KNDC1: variants seen among roughly 807,000 people sequenced by gnomAD.
KNDC1 encodes kinase non-catalytic C-lobe domain containing 1, also known as kinase non-catalytic C-lobe domain-containing protein 1.
Under a neutral mutation model 172.8 loss-of-function variants are expected in KNDC1, and 106 were observed. The ratio of observed to expected loss-of-function variants is 0.61; its 90% CI spans 0.52 to 0.72. The LOEUF (loss-of-function observed/expected upper bound fraction) is 0.72, where lower values mean the gene tolerates loss of function less well. Among genes scored for constraint, KNDC1 ranks in the 30% least tolerant of loss-of-function variants. The pLI is 0.00. For missense variants in KNDC1, 2,325 were observed against 2,394.5 expected (o/e 0.97, Z 0.61); for synonymous variants, 1,083 against 1,062.2 (o/e 1.02, Z -0.38).
At chr10:133,187,979 G>T (rs1448184957) in intron 6 of KNDC1, among the ~76,000 whole-genome samples, 1 of 150,408 alleles carries the variant, frequency 6.6e-6, no homozygotes, top group Non-Finnish European at 1.5e-5. Context: ...TCTGTCCAGG[G>T]GCCTCGTGGG....
intron 17 of KNDC1, among the ~76,000 whole-genome samples, chr10:133,204,371 G>A (rs1314974119): frequency 6.6e-6 from 1 of 152,256 alleles, no homozygotes; most frequent in Non-Finnish European, 1.5e-5. Context: ...CTGCACTTTA[G>A]GCAGCCACGG....
Position 133,186,519 on chromosome 10 carries a change from G to C in KNDC1, c.1171G>C (p.Gly391Arg), listed in dbSNP as rs200234621. 4 of 1,612,242 alleles carry C rather than the reference G, an allele frequency of 2.5e-6. No individual in the cohort carries two copies. The highest frequency in any genetic ancestry group is 1.7e-5 in the Admixed American group (1 of 59,998). ...CACGGACAGGGGCCCTGGGGTGCCC[G>C]GCAGTCCAGGACAGCCCGAGACTTC... Reference protein sequence around the residue: ...RSTDRGPGVPGSPGQPETSHP... With the variant: ...RSTDRGPGVPRSPGQPETSHP... Residue 391 changes from glycine (G) to arginine (R), a missense_variant, in exon 6 of 30, where the codon GGC becomes CGC. By Grantham distance (125) the Gly-to-Arg change is moderately radical. Coordinates refer to ENST00000304613, the MANE Select transcript of KNDC1 (RefSeq NM_152643.8).
intron 9 of KNDC1, among the ~76,000 whole-genome samples, chr10:133,190,871 G>T (rs761090216): frequency 6.6e-6 from 1 of 152,192 alleles, no homozygotes; most frequent in Non-Finnish European, 1.5e-5. Context: ...AACAAAAACC[G>T]CGTCCGTGAG....
chr10:133,168,297 C>T lies in KNDC1; in HGVS notation c.345C>T (p.Thr115=), dbSNP rs61750345. ...TCGTTCCCCCCGAGTTCGACGTGAC[C>T]GGGAACACCTTTGAGGTAAGTGCAG... is the stretch of plus-strand genomic sequence containing the variant. ...GAFVPPEFDV[T]GNTFEAHIYS... Residue 115 remains threonine, a synonymous_variant, in exon 3 of 30, where the codon ACC becomes ACT. Coordinates refer to ENST00000304613, the MANE Select transcript of KNDC1 (RefSeq NM_152643.8). 2,769 of 1,614,124 alleles carry T rather than the reference C, an allele frequency of 1.7e-3. 5 individuals carry two copies. Among genetic ancestry groups the T allele is most frequent in the South Asian group, 3.0e-3 (275 of 91,080 alleles).
chr10:133,204,084 C>T (rs73388569), intron 17 of KNDC1, among the ~76,000 whole-genome samples: 2,303 of 152,114 alleles, frequency 0.015, 61 homozygotes, highest in African/African-American at 0.053. Flanking sequence ...AGCCTGGCGC[C>T]GGTGACCTCC....
At position 133,219,970 on chromosome 10, in the gene KNDC1, G is replaced by A; in HGVS notation, c.4876G>A (p.Asp1626Asn). 1.9e-6 allele frequency: 3 copies of A among 1,551,834 alleles called. No homozygotes were observed. Among genetic ancestry groups the A allele is most frequent in the South Asian group, 1.2e-5 (1 of 84,154 alleles). ...LKAVEVFLKS[D>N]SLCLMEGRRF... Reference sequence around the variant, plus strand: ...GGACCACCAGGTCTTCCTGAAGAGCGACAGCCTGTGTCTGATGGAAGGGCG... The same window carrying A: ...GGACCACCAGGTCTTCCTGAAGAGCAACAGCCTGTGTCTGATGGAAGGGCG... Residue 1626 changes from aspartate (D) to asparagine (N), a missense_variant, in exon 29 of 30, where the codon GAC becomes AAC. Coordinates refer to ENST00000304613, the MANE Select transcript of KNDC1 (RefSeq NM_152643.8).
chr10:133,165,965 T>C (rs1321336811), intron 1 of KNDC1, among the ~76,000 whole-genome samples: 2 of 152,224 alleles, frequency 1.3e-5, no homozygotes, highest in Non-Finnish European at 2.9e-5. Flanking sequence ...GGACGGGATG[T>C]GCCAGGACCC....
At chr10:133,187,817 A>G (rs1464429833) in intron 6 of KNDC1, among the ~76,000 whole-genome samples, 1 of 152,158 alleles carries the variant, frequency 6.6e-6, no homozygotes, top group Non-Finnish European at 1.5e-5. Flanking sequence ...AGCACAGCTC[A>G]GCGGCATTGG....
intron 1 of KNDC1, among the ~76,000 whole-genome samples, chr10:133,164,449 G>T (rs1237631234): frequency 1.3e-5 from 2 of 152,222 alleles, no homozygotes; most frequent in African/African-American, 4.8e-5. Context: ...CTGCCGTGGG[G>T]CCCTCGTGGG....
intron 16 of KNDC1, among the ~76,000 whole-genome samples, chr10:133,200,773 G>T (rs1162954630): frequency 6.6e-6 from 1 of 152,204 alleles, no homozygotes; most frequent in African/African-American, 2.4e-5. Context: ...CCGGCCACTG[G>T]GACAGTGGGA....
rs1329557795 is a variant in KNDC1, at chr10:133,199,440, A to G, written c.2759-18A>G. 2 of 1,611,994 alleles carry G rather than the reference A, an allele frequency of 1.2e-6. No individual in the cohort carries two copies. The highest frequency in any genetic ancestry group is 2.2e-5 in the East Asian group (1 of 44,858). Reference sequence around the variant, plus strand: ...CCCTGCCACCATCTCACTTGTCTCCATCGTTTTGCAAAACCAGGGGAGTAC... The same window carrying G: ...CCCTGCCACCATCTCACTTGTCTCCGTCGTTTTGCAAAACCAGGGGAGTAC... On this transcript the variant is annotated intron_variant, in intron 14 of 29. Transcript: ENST00000304613.
rs1845691992 is a variant in KNDC1 at position 133,224,959 on chromosome 10, G to A, written c.*69G>A. ...GTGGGGGGCGGGCTGGGAGGTGGGA[G>A]CCGCGTCTCAGGCCCGGCCGTTATC... On this transcript the variant is annotated 3_prime_UTR_variant, in exon 30 of 30. Transcript: ENST00000304613. This position sits in a 1 kb window ranked among gnomAD's most constrained non-coding sequence, Gnocchi z 5.4. 7.7e-7 allele frequency: 1 copy of A among 1,304,384 alleles called. No homozygotes were observed. Among genetic ancestry groups the A allele is most frequent in the Non-Finnish European group, 1.1e-6 (1 of 917,960 alleles). The allele number at this position is 1,304,384 out of a possible 1,614,324, so 80.8% of individuals were successfully genotyped here.
rs1229028134 is a variant in KNDC1 at position 133,219,996 on chromosome 10, G to C, written c.4902G>C (p.Arg1634=). Residue 1634 remains arginine, a synonymous_variant, in exon 29 of 30, where the codon CGG becomes CGC. Coordinates refer to ENST00000304613, the MANE Select transcript of KNDC1 (RefSeq NM_152643.8). ...KSDSLCLMEG[R]RFRAQPTLPS... is the part of the protein sequence containing the mutation. ...ACAGCCTGTGTCTGATGGAAGGGCG[G>C]CGCTTCCGGGCGCAGCCCACCCTGC... The C allele has an allele frequency of 6.4e-7, 1 of 1,553,214 alleles. No individual in the cohort carries two copies. The highest frequency in any genetic ancestry group is 8.7e-7 in the Non-Finnish European group (1 of 1,148,150).
At chr10:133,211,399 C>G (rs1845359820) in intron 21 of KNDC1, 23 bp from the exon 22 acceptor site, 1 of 1,606,304 alleles carries the variant, frequency 6.2e-7, no homozygotes, top group East Asian at 2.2e-5. Context: ...CCTGGCAGCT[C>G]AGCAGCTCCC....
At chr10:133,164,982 C>T (rs1478211398) in intron 1 of KNDC1, among the ~76,000 whole-genome samples, 1 of 152,298 alleles carries the variant, frequency 6.6e-6, no homozygotes, top group East Asian at 1.9e-4. Flanking sequence ...TCACCTGTGC[C>T]AGAGCAGGGT....
intron 3 of KNDC1, among the ~76,000 whole-genome samples, chr10:133,176,545 G>A (rs1050980469): frequency 1.3e-5 from 2 of 152,130 alleles, no homozygotes; most frequent in Admixed American, 6.5e-5. Context: ...ATGCTCGGCC[G>A]GGTTTTCAAA....
intron 9 of KNDC1, among the ~76,000 whole-genome samples, chr10:133,190,236 G>C (rs1438521572): frequency 6.6e-6 from 1 of 152,004 alleles, no homozygotes; most frequent in Non-Finnish European, 1.5e-5. Context: ...AGAGCACTAA[G>C]TACCCTACAC....
chr10:133,207,736 C>T (rs1285873476), intron 20 of KNDC1, among the ~76,000 whole-genome samples: 2 of 152,248 alleles, frequency 1.3e-5, no homozygotes, highest in Non-Finnish European at 2.9e-5. Flanking sequence ...GCTCCAGGGA[C>T]GGGTGAGGCT....
In KNDC1 at chr10:133,199,049, C is replaced by T. The variant is rs377322257; in HGVS notation, c.2541C>T (p.Pro847=). 209 of 1,592,590 alleles carry T rather than the reference C, an allele frequency of 1.3e-4. No individual in the cohort carries two copies. Among genetic ancestry groups the T allele is most frequent in the South Asian group, 6.4e-4 (57 of 88,488 alleles). The change falls in exon 14 of 30, where the codon CCC becomes CCT. Residue 847 remains proline (P), a synonymous_variant. Coordinates refer to ENST00000304613, the MANE Select transcript of KNDC1 (RefSeq NM_152643.8). ...GCCCGGGCCAGGAGCCAGAGGGCCC[C>T]GGGGCCACCCCTGCCGGGGAACGTG... ...TERPGQEPEG[P]GATPAGERDD...
Sources: gnomAD v4.1 joint callset for allele counts (sites outside exome capture counted in the v4.1 genomes callset) on GRCh38, gnomAD v4.1.1 for gene constraint, Gnocchi (gnomAD v3.1) non-coding constraint, MANE v1.5 for transcripts, NCBI Gene and HGNC (gene_info 2026-07-23, HGNC 2026-07-21) for gene names.